The following ELMO1 variants were observed in gnomAD, a reference collection of about 807,000 sequenced individuals.
ELMO1 encodes the protein engulfment and cell motility 1.
Under a neutral mutation model 98.9 loss-of-function variants are expected in ELMO1, and 26 were observed. The observed-to-expected ratio is 0.26, with a 90% CI of 0.19 to 0.36. The LOEUF is 0.36. Among genes scored for constraint, ELMO1 ranks in the 10% least tolerant of loss-of-function variants. The pLI, the probability that ELMO1 is intolerant of heterozygous loss-of-function variation, is 1.00. For synonymous variants in ELMO1, 346 were observed against 346.0 expected (o/e 1.00, Z 0.00); for missense variants, 627 against 935.2 (o/e 0.67, Z 4.30).
At chr7:37,281,490 A>G (rs1211843201) in intron 4 of ELMO1, among the ~76,000 whole-genome samples, 2 of 152,176 alleles carry the variant, frequency 1.3e-5, no homozygotes, top group African/African-American at 2.4e-5. Context: ...AGTGCCAAGA[A>G]ATTGCCACAT....
intron 4 of ELMO1, 33 bp downstream of exon 4, chr7:37,314,817 T>C: frequency 1.3e-6 from 2 of 1,584,460 alleles, no homozygotes; most frequent in Non-Finnish European, 1.7e-6. Flanking sequence ...TCCTTCAATA[T>C]GTATCCCATA....
chr7:36,866,739 A>G (rs1472929846), intron 20 of ELMO1, among the ~76,000 whole-genome samples: 1 of 152,230 alleles, frequency 6.6e-6, no homozygotes, highest in African/African-American at 2.4e-5. Context: ...AACTGTCCAA[A>G]GAGCCAGCAA....
intron 16 of ELMO1, among the ~76,000 whole-genome samples, chr7:36,934,236 C>T (rs1562836037): frequency 6.6e-6 from 1 of 152,192 alleles, no homozygotes; most frequent in Non-Finnish European, 1.5e-5. Flanking sequence ...TTTAACTCAG[C>T]CCTTCCCACA....
chr7:36,977,434 G>A (rs191130392), intron 16 of ELMO1, among the ~76,000 whole-genome samples: 6 of 152,308 alleles, frequency 3.9e-5, no homozygotes, highest in Non-Finnish European at 7.4e-5. Context: ...CAGTGGATAG[G>A]ATTATTGTAT....
chr7:37,225,158 A>T, intron 8 of ELMO1, 128 bp from the exon 9 acceptor site: 1 of 1,053,942 alleles, frequency 9.5e-7, no homozygotes, highest in Non-Finnish European at 1.4e-6. Context: ...ACCTGGAATT[A>T]CAGCAAAATA....
chr7:36,975,881 T>A (rs555100072), intron 16 of ELMO1, among the ~76,000 whole-genome samples: 54 of 150,998 alleles, frequency 3.6e-4, no homozygotes, highest in African/African-American at 1.3e-3. Flanking sequence ...TTGTATGTCA[T>A]CTTTTCAATA....
At chr7:37,267,584 G>A (rs974778917) in intron 5 of ELMO1, among the ~76,000 whole-genome samples, 1 of 152,178 alleles carries the variant, frequency 6.6e-6, no homozygotes, top group Admixed American at 6.6e-5. Context: ...CCCCCGAAGA[G>A]GGCATACAAA....
At chr7:36,951,550 A>T (rs1055627895) in intron 16 of ELMO1, among the ~76,000 whole-genome samples, 2 of 152,126 alleles carry the variant, frequency 1.3e-5, no homozygotes, top group Admixed American at 6.5e-5. Flanking sequence ...TTAAACACAG[A>T]CTGCTGGGGG....
At chr7:37,441,389 T>C (rs1805411580) in intron 1 of ELMO1, among the ~76,000 whole-genome samples, 1 of 152,188 alleles carries the variant, frequency 6.6e-6, no homozygotes, top group South Asian at 2.1e-4. Flanking sequence ...AAATCTAATA[T>C]ACAAAGTGGG....
chr7:37,064,207 T>C (rs565997298), intron 15 of ELMO1, among the ~76,000 whole-genome samples: 1 of 152,316 alleles, frequency 6.6e-6, no homozygotes, highest in South Asian at 2.1e-4. Flanking sequence ...TGCTCTCACA[T>C]GCTGCACAAC....
intron 15 of ELMO1, among the ~76,000 whole-genome samples, chr7:37,050,031 C>T (rs1000916061): frequency 6.6e-6 from 1 of 152,078 alleles, no homozygotes; most frequent in Non-Finnish European, 1.5e-5. Context: ...CTGCCCACTT[C>T]AGCCTCTGAA....
At chr7:37,393,464 A>T in intron 1 of ELMO1, among the ~76,000 whole-genome samples, 1 of 152,224 alleles carries the variant, frequency 6.6e-6, no homozygotes, top group East Asian at 1.9e-4. Flanking sequence ...TTTATAGTAC[A>T]TTATTTAAAA....
At chr7:37,146,769 A>G (rs1210019515) in intron 13 of ELMO1, among the ~76,000 whole-genome samples, 1 of 152,222 alleles carries the variant, frequency 6.6e-6, no homozygotes, top group Non-Finnish European at 1.5e-5. Flanking sequence ...AGAGAGAGAC[A>G]TGGTGAATAT....
chr7:36,931,881 C>A (rs1786077602), intron 16 of ELMO1, among the ~76,000 whole-genome samples: 1 of 152,218 alleles, frequency 6.6e-6, no homozygotes, highest in Admixed American at 6.5e-5. Context: ...GTGTTAAACA[C>A]TAATTGAGCA....
At chr7:37,393,362 A>G (rs1294967944) in intron 1 of ELMO1, among the ~76,000 whole-genome samples, 1 of 152,134 alleles carries the variant, frequency 6.6e-6, no homozygotes, top group Admixed American at 6.6e-5. Flanking sequence ...TACACATTCT[A>G]TTTGCCCTTG....
At chr7:36,943,642 C>A (rs568409390) in intron 16 of ELMO1, among the ~76,000 whole-genome samples, 1 of 152,212 alleles carries the variant, frequency 6.6e-6, no homozygotes. Context: ...TTTAATGCTT[C>A]GAATAAGTGA....
chr7:37,211,267 T>A, intron 13 of ELMO1, 119 bp downstream of exon 13: 1 of 1,420,022 alleles, frequency 7.0e-7, no homozygotes, highest in South Asian at 1.3e-5. Flanking sequence ...TCTGGAAATG[T>A]GGAAACTATT....
intron 8 of ELMO1, among the ~76,000 whole-genome samples, chr7:37,230,729 C>A (rs973972378): frequency 6.6e-6 from 1 of 152,050 alleles, no homozygotes; most frequent in South Asian, 2.1e-4. Flanking sequence ...GAAAAGAAAG[C>A]CTGCTGTAAA....
chr7:37,334,336 C>G (rs1213855041), intron 2 of ELMO1, among the ~76,000 whole-genome samples: 1 of 152,116 alleles, frequency 6.6e-6, no homozygotes, highest in African/African-American at 2.4e-5. Flanking sequence ...ATCCCAGCTA[C>G]TCGGGAAGCT....
Sources: allele counts gnomAD v4.1 joint callset (sites outside exome capture counted in the v4.1 genomes callset), GRCh38; gene constraint gnomAD v4.1.1; transcripts MANE v1.5; gene names NCBI Gene and HGNC (gene_info 2026-07-23, HGNC 2026-07-21).